Variants in FNDC3A observed in about 807,000 individuals in gnomAD.
FNDC3A encodes the protein fibronectin type III domain containing 3A.
In FNDC3A, 32 loss-of-function variants were observed where a neutral mutation model predicts 148.9. That is an observed-to-expected ratio of 0.21 (90% CI 0.16 to 0.29). FNDC3A has a LOEUF of 0.29. Ranked by LOEUF, FNDC3A falls within the 10% of genes least tolerant of loss-of-function variation. The pLI is 1.00. For missense variants in FNDC3A, 1,191 were observed against 1,452.8 expected (o/e 0.82, Z 2.93); for synonymous variants, 472 against 473.6 (o/e 1.00, Z 0.04).
At chr13:49,174,372 T>C in intron 11 of FNDC3A, 63 bp from the exon 12 acceptor site, 1 of 1,370,612 alleles carries the variant, frequency 7.3e-7, no homozygotes, top group Non-Finnish European at 1.0e-6. Context: ...AAGAAGGAAT[T>C]GATGCGAATT....
intron 2 of FNDC3A, among the ~76,000 whole-genome samples, chr13:49,055,836 A>C (rs1876196906): frequency 6.6e-6 from 1 of 152,090 alleles, no homozygotes; most frequent in Non-Finnish European, 1.5e-5. Context: ...GGATCTCCTG[A>C]GGGCTGTGTC....
chr13:49,084,706 G>C (rs1476934238), intron 3 of FNDC3A, among the ~76,000 whole-genome samples: 1 of 152,076 alleles, frequency 6.6e-6, no homozygotes, highest in African/African-American at 2.4e-5. Flanking sequence ...AGAGTGTGTT[G>C]ATTGTGAACC....
intron 14 of FNDC3A, among the ~76,000 whole-genome samples, chr13:49,181,489 A>G (rs1353343778): frequency 6.6e-6 from 1 of 152,162 alleles, no homozygotes; most frequent in Non-Finnish European, 1.5e-5. Context: ...ATCCTTGCCA[A>G]AATTTGGAAA....
intron 3 of FNDC3A, among the ~76,000 whole-genome samples, chr13:49,077,157 C>G (rs1406762001): frequency 1.3e-5 from 2 of 152,168 alleles, no homozygotes; most frequent in East Asian, 3.8e-4. Flanking sequence ...GCCTGCTGTC[C>G]TAACTACTCG....
At chr13:49,011,385 C>A (rs1952341650) in intron 2 of FNDC3A, among the ~76,000 whole-genome samples, 1 of 152,100 alleles carries the variant, frequency 6.6e-6, no homozygotes, top group South Asian at 2.1e-4. Flanking sequence ...AGGCGTGCAC[C>A]ACCACACCAG....
At chr13:48,986,378 G>A (rs2987533) in intron 1 of FNDC3A, among the ~76,000 whole-genome samples, 16,688 of 134,120 alleles carry the variant, frequency 0.12, 1,450 homozygotes, top group East Asian at 0.33. Flanking sequence ...GTAAGGAGAA[G>A]GAAGTTGTTT....
intron 5 of FNDC3A, among the ~76,000 whole-genome samples, chr13:49,132,493 A>T (rs951937621): frequency 6.6e-6 from 1 of 152,154 alleles, no homozygotes; most frequent in African/African-American, 2.4e-5. Flanking sequence ...GCCTCTACTC[A>T]CTAACTGCCA....
chr13:49,047,034 C>T (rs1875469269), intron 2 of FNDC3A, among the ~76,000 whole-genome samples: 1 of 151,944 alleles, frequency 6.6e-6, no homozygotes, highest in African/African-American at 2.4e-5. Flanking sequence ...CCCCAAAATC[C>T]AATATATCAT....
intron 14 of FNDC3A, among the ~76,000 whole-genome samples, chr13:49,179,393 G>T (rs1026581637): frequency 2.0e-5 from 3 of 152,014 alleles, no homozygotes; most frequent in Non-Finnish European, 4.4e-5. Context: ...TATAATAACT[G>T]TAAAGTTATT....
chr13:49,207,037 C>A, intron 25 of FNDC3A, 44 bp from the exon 26 acceptor site: 2 of 1,427,498 alleles, frequency 1.4e-6, no homozygotes, highest in Non-Finnish European at 2.0e-6. Context: ...CATTTTCTGT[C>A]CAGCCTTCAC....
chr13:49,093,763 G>T (rs186327981), intron 3 of FNDC3A, among the ~76,000 whole-genome samples: 1 of 152,140 alleles, frequency 6.6e-6, no homozygotes, highest in East Asian at 1.9e-4. Context: ...TTTCAAAATT[G>T]AATGCTGAAA....
chr13:49,007,939 C>G (rs978460279), intron 2 of FNDC3A, among the ~76,000 whole-genome samples: 12 of 152,106 alleles, frequency 7.9e-5, no homozygotes, highest in Admixed American at 7.9e-4. Context: ...AAACACTGGA[C>G]TGGCCTGATA....
At chr13:49,102,751 T>A (rs1434468852) in intron 3 of FNDC3A, among the ~76,000 whole-genome samples, 5 of 152,222 alleles carry the variant, frequency 3.3e-5, no homozygotes, top group Admixed American at 3.3e-4. Flanking sequence ...AGATTACAGT[T>A]TATAGGAATG....
intron 2 of FNDC3A, among the ~76,000 whole-genome samples, chr13:49,022,917 C>T (rs1873435178): frequency 6.6e-6 from 1 of 152,172 alleles, no homozygotes; most frequent in Middle Eastern, 3.4e-3. Context: ...AAGCCTTATG[C>T]TCAAGGTTCA....
intron 2 of FNDC3A, among the ~76,000 whole-genome samples, chr13:49,056,197 A>AC (rs1397155118): frequency 6.6e-6 from 1 of 151,940 alleles, no homozygotes; most frequent in Non-Finnish European, 1.5e-5. Flanking sequence ...AAAAAAAAAA[A>AC]AAAGTGCAGT....
intron 13 of FNDC3A, among the ~76,000 whole-genome samples, chr13:49,175,778 A>G (rs1351736233): frequency 6.6e-6 from 1 of 152,172 alleles, no homozygotes; most frequent in Non-Finnish European, 1.5e-5. Context: ...ATCTTGTGCC[A>G]GTTTTCAAAG....
chr13:48,995,078 C>T (rs1951999304), intron 1 of FNDC3A, among the ~76,000 whole-genome samples: 1 of 152,118 alleles, frequency 6.6e-6, no homozygotes, highest in Non-Finnish European at 1.5e-5. Context: ...TTATATCTGA[C>T]TTTAAAACAA....
rs114699505 is a variant in FNDC3A, at chr13:49,013,535, T to C, written c.99+7246T>C. Reference sequence around the variant, plus strand: ...ATATGTACACGTGTATACATGTATATACGTGTACATGTGTATACATATGTA... The same window carrying C: ...ATATGTACACGTGTATACATGTATACACGTGTACATGTGTATACATATGTA... On this transcript the variant is annotated intron_variant, in intron 2 of 25. Transcript: ENST00000492622. 3.1e-3 allele frequency among the ~76,000 whole-genome samples: 469 copies of C among 151,562 alleles called. 1 individual carries two copies. The highest frequency in any genetic ancestry group is 0.01 in the African/African-American group (427 of 41,176).
Position 49,075,839 on chromosome 13 carries a change from T to C in FNDC3A, c.175+475T>C, listed in dbSNP as rs574277096. Among the ~76,000 whole-genome samples the C allele has an allele frequency of 1.9e-4, 17 of 89,278 alleles. No homozygotes were observed. The South Asian group carries it at 6.7e-3, about 35-fold the overall frequency. 58.6% of individuals were successfully genotyped at this position (89,278 alleles called of 152,430 possible). ...CACCCCCACCCCCCCTTTCAGATCC[T>C]ACCTGTGCTTCAAGACTGAGCTCCA... On this transcript the variant is annotated intron_variant, in intron 3 of 25. Transcript: ENST00000492622.
Sources: gnomAD v4.1 joint callset for allele counts (sites outside exome capture counted in the v4.1 genomes callset) on GRCh38, gnomAD v4.1.1 for gene constraint, MANE v1.5 for transcripts, NCBI Gene and HGNC (gene_info 2026-07-23, HGNC 2026-07-21) for gene names.